Variants in IGF2R observed in about 807,000 individuals in gnomAD.
The protein encoded by IGF2R is insulin like growth factor 2 receptor.
In IGF2R, 91 loss-of-function variants were observed where a neutral mutation model predicts 270.6. The ratio of observed to expected loss-of-function variants is 0.34; its 90% CI spans 0.28 to 0.40. The LOEUF (loss-of-function observed/expected upper bound fraction) is 0.40, where lower values mean the gene tolerates loss of function less well. IGF2R is among the 10% of genes least tolerant of loss of function. IGF2R has a pLI of 1.00. For synonymous variants in IGF2R, 1,316 were observed against 1,258.9 expected, an observed-to-expected ratio of 1.05 and a Z score of -0.96; for missense variants, 2,805 against 3,188.3, an observed-to-expected ratio of 0.88 and a Z score of 2.90.
chr6:160,060,554 T>C lies in IGF2R; in HGVS notation c.3099T>C (p.Ala1033=). ...YKGPLSAKGT[A]DAFIVRFVCN... ...GGCCTTCTTGCTTTACAGGTACCGC[T>C]GATGCTTTTATCGTCCGCTTTGTTT... Residue 1033 remains alanine (A), a synonymous_variant, in exon 23 of 48, where the codon GCT becomes GCC. Transcript: ENST00000356956. 6.2e-7 allele frequency: 1 copy of C among 1,614,272 alleles called. No individual in the cohort carries two copies.
intron 15 of IGF2R, 88 bp from the exon 16 acceptor site, chr6:160,047,070 GT>G: frequency 8.0e-7 from 1 of 1,251,172 alleles, no homozygotes; most frequent in Non-Finnish European, 1.2e-6. Context: ...GACTCCTCAC[GT>G]CGCTCACGGG....
intron 14 of IGF2R, among the ~76,000 whole-genome samples, chr6:160,046,263 G>A (rs1009922045): frequency 2.0e-5 from 3 of 152,110 alleles, no homozygotes; most frequent in Admixed American, 6.5e-5. Flanking sequence ...TTTGAATAGC[G>A]CTTTAGGCTA....
intron 6 of IGF2R, among the ~76,000 whole-genome samples, 185 bp from the exon 7 acceptor site, chr6:160,029,365 A>T: frequency 6.9e-6 from 1 of 145,190 alleles, no homozygotes; most frequent in African/African-American, 2.4e-5. Flanking sequence ...GAGTTTACTT[A>T]AAACTTTTTT....
intron 10 of IGF2R, among the ~76,000 whole-genome samples, chr6:160,039,010 T>G (rs1777884566): frequency 6.6e-6 from 1 of 152,246 alleles, no homozygotes; most frequent in African/African-American, 2.4e-5. Flanking sequence ...AAAATGGTGC[T>G]AAAATTGTAC....
intron 39 of IGF2R, among the ~76,000 whole-genome samples, chr6:160,081,199 A>G (rs376267417): frequency 5.3e-5 from 8 of 152,186 alleles, no homozygotes; most frequent in South Asian, 2.1e-4. Flanking sequence ...CGATTTTTCA[A>G]CGTAGGTTCT....
chr6:160,096,333 G>T, intron 44 of IGF2R, 106 bp from the exon 45 acceptor site: 1 of 990,038 alleles, frequency 1.0e-6, no homozygotes. Context: ...AGTCTCTTCT[G>T]CCTGATTTTA....
intron 1 of IGF2R, among the ~76,000 whole-genome samples, chr6:159,989,487 G>T (rs999787995): frequency 7.9e-5 from 12 of 152,312 alleles, no homozygotes; most frequent in Admixed American, 7.8e-4. Context: ...CTTACCCCCA[G>T]GGCCTCCACA....
intron 1 of IGF2R, among the ~76,000 whole-genome samples, chr6:159,977,556 C>CG (rs1395190189): frequency 6.6e-6 from 1 of 152,212 alleles, no homozygotes; most frequent in Non-Finnish European, 1.5e-5. Flanking sequence ...TGGCCTGAGA[C>CG]GGGGGATCTG....
chr6:159,996,771 C>T (rs1040225221), intron 2 of IGF2R, among the ~76,000 whole-genome samples: 1 of 152,234 alleles, frequency 6.6e-6, no homozygotes, highest in Non-Finnish European at 1.5e-5. Flanking sequence ...AGCCTCCTCC[C>T]TCAACCCAAA....
At chr6:160,011,251 C>T (rs1279706768) in intron 4 of IGF2R, among the ~76,000 whole-genome samples, 1 of 152,164 alleles carries the variant, frequency 6.6e-6, no homozygotes, top group Non-Finnish European at 1.5e-5. Context: ...TGTCCCTCTC[C>T]TCAGCCTTGG....
At chr6:160,022,294 A>G (rs569985441) in intron 4 of IGF2R, among the ~76,000 whole-genome samples, 2 of 152,222 alleles carry the variant, frequency 1.3e-5, no homozygotes, top group Non-Finnish European at 2.9e-5. Context: ...CCTAATGGGT[A>G]CAATGTACAG....
At chr6:160,067,975 G>T (rs1311749323) in intron 29 of IGF2R, among the ~76,000 whole-genome samples, 4 of 151,852 alleles carry the variant, frequency 2.6e-5, no homozygotes, top group African/African-American at 9.7e-5. Flanking sequence ...GAGTTTTTCT[G>T]TTAAAATTTA....
chr6:160,065,861 T>C (rs2115267045), intron 29 of IGF2R, among the ~76,000 whole-genome samples: 1 of 141,536 alleles, frequency 7.1e-6, no homozygotes. Flanking sequence ...TTTTTTGAGA[T>C]GGAATCTCGC....
At chr6:160,019,645 T>C (rs961663887) in intron 4 of IGF2R, among the ~76,000 whole-genome samples, 6 of 152,132 alleles carry the variant, frequency 3.9e-5, no homozygotes, top group African/African-American at 1.4e-4. Context: ...ATTCCAGGGT[T>C]GCAAGGATGG....
chr6:160,040,528 G>A (rs758333600), intron 10 of IGF2R, 32 bp from the exon 11 acceptor site: 1 of 1,607,790 alleles, frequency 6.2e-7, no homozygotes, highest in East Asian at 2.2e-5. Flanking sequence ...GGTCACGTAT[G>A]GAGTTTAAAT....
At chr6:160,090,642 T>G (rs910703840) in intron 44 of IGF2R, among the ~76,000 whole-genome samples, 2 of 152,264 alleles carry the variant, frequency 1.3e-5, no homozygotes, top group Admixed American at 6.5e-5. Flanking sequence ...CGTGAAAGGC[T>G]GCTTTTGTTT....
chr6:160,034,366 T>C, intron 9 of IGF2R, 53 bp from the exon 10 acceptor site: 2 of 1,214,160 alleles, frequency 1.6e-6, no homozygotes, highest in Non-Finnish European at 1.2e-6. Flanking sequence ...AAGATTCAAG[T>C]TTTTTTCTTG....
chr6:160,076,851 A>G (rs1261498416), intron 36 of IGF2R, among the ~76,000 whole-genome samples: 1 of 152,202 alleles, frequency 6.6e-6, no homozygotes, highest in African/African-American at 2.4e-5. Flanking sequence ...TGGGGGTGTG[A>G]GAATTGCCTC....
intron 11 of IGF2R, 101 bp downstream of exon 11, chr6:160,040,825 G>T (rs1329725161): frequency 8.1e-7 from 1 of 1,229,080 alleles, no homozygotes; most frequent in African/African-American, 1.5e-5. Context: ...TTGTCAGTGG[G>T]TTGCGTCACA....
Sources: allele counts gnomAD v4.1 joint callset (sites outside exome capture counted in the v4.1 genomes callset), GRCh38; gene constraint gnomAD v4.1.1; transcripts MANE v1.5; gene names NCBI Gene and HGNC (gene_info 2026-07-23, HGNC 2026-07-21).